BORCS5: variants seen among roughly 807,000 people sequenced by gnomAD.
BORCS5 encodes BLOC-1-related complex subunit 5.
BORCS5 carries 17 observed loss-of-function variants against 22.1 expected under a neutral mutation model. The ratio of observed to expected loss-of-function variants is 0.77; its 90% CI spans 0.53 to 1.15. The LOEUF is 1.15. Ranked by LOEUF, BORCS5 falls within the 50% of genes most tolerant of loss-of-function variation. The pLI is 0.00. For synonymous variants in BORCS5, 117 were observed against 99.8 expected, an observed-to-expected ratio of 1.17 and a Z score of -1.03; for missense variants, 247 against 253.2, an observed-to-expected ratio of 0.98 and a Z score of 0.17.
intron 2 of BORCS5, among the ~76,000 whole-genome samples, chr12:12,423,193 G>A (rs1009687024): frequency 9.9e-5 from 15 of 151,904 alleles, no homozygotes; most frequent in South Asian, 2.1e-4. Flanking sequence ...TAGTAGAGAC[G>A]GGGTCCCACC....
At chr12:12,374,612 G>C (rs760025176) in intron 2 of BORCS5, among the ~76,000 whole-genome samples, 3 of 151,374 alleles carry the variant, frequency 2.0e-5, no homozygotes, top group Non-Finnish European at 4.4e-5. Context: ...CTGGGTGGCA[G>C]AATGAGACCC....
chr12:12,360,879 C>T (rs992488790), intron 1 of BORCS5, among the ~76,000 whole-genome samples: 32 of 152,110 alleles, frequency 2.1e-4, no homozygotes, highest in Admixed American at 3.9e-4. Flanking sequence ...CGCCACCATG[C>T]CCCGCTAATT....
chr12:12,423,542 T>A (rs892617236), intron 2 of BORCS5, among the ~76,000 whole-genome samples: 4 of 76,360 alleles, frequency 5.2e-5, no homozygotes, highest in African/African-American at 4.0e-4. Flanking sequence ...GGTTGACAGG[T>A]TTTTTGTTTT....
intron 3 of BORCS5, among the ~76,000 whole-genome samples, chr12:12,438,385 A>AAAAAAAAAAAATACAAC (rs1555156048): frequency 7.9e-6 from 1 of 126,112 alleles, no homozygotes; most frequent in Admixed American, 8.0e-5. Context: ...AAAAAACGAA[A>AAAAAAAAAAAATACAAC]AACAACAACA....
intron 2 of BORCS5, among the ~76,000 whole-genome samples, chr12:12,427,664 G>A (rs867505295): frequency 6.6e-6 from 1 of 152,114 alleles, no homozygotes; most frequent in South Asian, 2.1e-4. Context: ...ACCATAAACC[G>A]GGTGGCTTAA....
At chr12:12,410,177 G>C (rs1266897402) in intron 2 of BORCS5, among the ~76,000 whole-genome samples, 2 of 152,166 alleles carry the variant, frequency 1.3e-5, no homozygotes, top group African/African-American at 2.4e-5. Flanking sequence ...TCTGTAGGTT[G>C]CCTGTTCACT....
chr12:12,463,652 C>T (rs1225168903), intron 3 of BORCS5, among the ~76,000 whole-genome samples: 2 of 152,180 alleles, frequency 1.3e-5, no homozygotes, highest in Non-Finnish European at 2.9e-5. Context: ...CCTGTTTGAA[C>T]TCAGTGTGCT....
chr12:12,400,589 GAA>G lies in BORCS5; in HGVS notation c.203-35025_203-35024del, dbSNP rs34678519. 4.6e-3 allele frequency among the ~76,000 whole-genome samples: 642 copies of G among 138,842 alleles called. 5 individuals carry two copies. The highest frequency in any genetic ancestry group is 0.015 in the African/African-American group (591 of 38,454). 91.1% of individuals were successfully genotyped at this position (138,842 alleles called of 152,430 possible). A position where few individuals can be genotyped will look rare whatever the true frequency, so the allele number is the denominator to read the frequency against. ...TTCATTTGCAGTATGTCAGCATACA[GAA>G]AAAAAAAAAAAAATAGCAAACACCT... On this transcript the variant is annotated intron_variant, in intron 2 of 3. Coordinates refer to ENST00000314565, the MANE Select transcript of BORCS5 (RefSeq NM_058169.6).
At chr12:12,413,108 C>CTTT (rs140916578) in intron 2 of BORCS5, among the ~76,000 whole-genome samples, 829 of 20,656 alleles carry the variant, frequency 0.04, 129 homozygotes, top group Non-Finnish European at 0.062. Flanking sequence ...GGTGATGACT[C>CTTT]TTTTTTTTTT....
intron 2 of BORCS5, among the ~76,000 whole-genome samples, chr12:12,425,400 A>C (rs1030347437): frequency 5.2e-5 from 4 of 76,272 alleles, no homozygotes; most frequent in African/African-American, 4.1e-4. Flanking sequence ...CTTTTTAGTT[A>C]CTTTTTTTAG....
intron 2 of BORCS5, among the ~76,000 whole-genome samples, chr12:12,396,449 T>C (rs555472909): frequency 1.2e-4 from 18 of 151,778 alleles, no homozygotes; most frequent in African/African-American, 3.9e-4. Context: ...GAGGGTGGGG[T>C]GGGTAGAGGA....
In BORCS5 at chr12:12,421,888, G is replaced by A. The variant is rs142678799; in HGVS notation, c.203-13740G>A. Among the ~76,000 whole-genome samples, 394 of 152,180 alleles carry A rather than the reference G, an allele frequency of 2.6e-3. 1 individual carries two copies. The highest frequency in any genetic ancestry group is 8.5e-3 in the African/African-American group (351 of 41,526). On this transcript the variant is annotated intron_variant, in intron 2 of 3. Coordinates refer to ENST00000314565, the MANE Select transcript of BORCS5 (RefSeq NM_058169.6). ...TGATAGTTTGTATTTCTGTGGGATC[G>A]GTGATGATATTCCCTTTATCATTTG...
chr12:12,361,592 A>G (rs1056552041), intron 2 of BORCS5, among the ~76,000 whole-genome samples: 1 of 152,158 alleles, frequency 6.6e-6, no homozygotes, highest in Non-Finnish European at 1.5e-5. Flanking sequence ...ATCTGTCTAT[A>G]TTTCTCTGCT....
intron 2 of BORCS5, among the ~76,000 whole-genome samples, chr12:12,433,799 C>T (rs528290072): frequency 6.6e-6 from 1 of 152,296 alleles, no homozygotes; most frequent in East Asian, 1.9e-4. Flanking sequence ...CGGGTTCCAG[C>T]CCTGTATGCT....
intron 2 of BORCS5, among the ~76,000 whole-genome samples, chr12:12,427,987 A>G (rs1186542403): frequency 1.3e-5 from 2 of 152,244 alleles, no homozygotes; most frequent in African/African-American, 2.4e-5. Context: ...CATTCAGTCC[A>G]TACGGGGGAA....
intron 2 of BORCS5, among the ~76,000 whole-genome samples, chr12:12,422,542 A>G (rs1330050400): frequency 5.3e-5 from 8 of 152,126 alleles, no homozygotes; most frequent in Admixed American, 5.2e-4. Flanking sequence ...CAGAGGTTGC[A>G]GTGAGCCGAG....
chr12:12,407,687 A>G (rs1267659111), intron 2 of BORCS5, among the ~76,000 whole-genome samples: 1 of 150,386 alleles, frequency 6.6e-6, no homozygotes, highest in Non-Finnish European at 1.5e-5. Context: ...TATTTTCGCC[A>G]TGAATTTTAC....
intron 3 of BORCS5, among the ~76,000 whole-genome samples, chr12:12,443,906 A>G (rs1942733939): frequency 6.6e-6 from 1 of 152,154 alleles, no homozygotes; most frequent in South Asian, 2.1e-4. Context: ...CAGAGGTCCC[A>G]TGCAGCCTCC....
intron 2 of BORCS5, among the ~76,000 whole-genome samples, chr12:12,386,869 T>A (rs1483280631): frequency 1.3e-5 from 2 of 150,968 alleles, no homozygotes; most frequent in Non-Finnish European, 1.5e-5. Context: ...ATCTGCACTG[T>A]TGGGTTATTA....
Sources: gnomAD v4.1 joint callset for allele counts (sites outside exome capture counted in the v4.1 genomes callset) on GRCh38, gnomAD v4.1.1 for gene constraint, MANE v1.5 for transcripts, NCBI Gene and HGNC (gene_info 2026-07-23, HGNC 2026-07-21) for gene names.